Variants in CORIN observed in about 807,000 individuals in gnomAD.
CORIN encodes the protein atrial natriuretic peptide-converting enzyme.
In CORIN, 117 loss-of-function variants were observed where a neutral mutation model predicts 125.3. That is an observed-to-expected ratio of 0.93 (90% CI 0.80 to 1.09). The LOEUF (loss-of-function observed/expected upper bound fraction) is 1.09, where lower values mean the gene tolerates loss of function less well. Among genes scored for constraint, CORIN ranks in the 50% least tolerant of loss-of-function variants. The pLI, the probability that CORIN is intolerant of heterozygous loss-of-function variation, is 0.00. For synonymous variants in CORIN, 450 were observed against 466.4 expected (o/e 0.96, Z 0.45); for missense variants, 1,253 against 1,306.7 (o/e 0.96, Z 0.63).
In CORIN at chr4:47,595,913, G is replaced by C; in HGVS notation, c.2947-10C>G. 1 of 1,603,558 alleles carries C rather than the reference G, an allele frequency of 6.2e-7. No homozygotes were observed. Among genetic ancestry groups the C allele is most frequent in the Non-Finnish European group, 8.5e-7 (1 of 1,176,120 alleles). On this transcript the variant is annotated splice_polypyrimidine_tract_variant and intron_variant, in intron 21 of 21. Transcript: ENST00000273857. ...GCCCACCGCTGTCACCCTGCAATAA[G>C]TAACGATGGGAGTTAGGAACTGGCA...
At chr4:47,742,932 T>C (rs1247119478) in intron 5 of CORIN, among the ~76,000 whole-genome samples, 1 of 152,120 alleles carries the variant, frequency 6.6e-6, no homozygotes, top group African/African-American at 2.4e-5. Context: ...TAGATATACA[T>C]GTAATCATTC....
intron 19 of CORIN, among the ~76,000 whole-genome samples, chr4:47,611,558 C>A (rs557159248): frequency 6.6e-6 from 1 of 152,338 alleles, no homozygotes; most frequent in East Asian, 1.9e-4. Flanking sequence ...ATTTGATTTC[C>A]TCTCTTCCTA....
chr4:47,815,205 G>A (rs1429568991), intron 1 of CORIN, among the ~76,000 whole-genome samples: 1 of 151,998 alleles, frequency 6.6e-6, no homozygotes, highest in Non-Finnish European at 1.5e-5. Flanking sequence ...GCATAAAAAG[G>A]TCTTTCTCCA....
At chr4:47,663,251 A>C (rs914733572) in intron 11 of CORIN, among the ~76,000 whole-genome samples, 2 of 152,188 alleles carry the variant, frequency 1.3e-5, no homozygotes, top group African/African-American at 4.8e-5. Flanking sequence ...GGTTATTTTG[A>C]GTACGCTACA....
chr4:47,702,643 A>G (rs1726356069), intron 5 of CORIN, among the ~76,000 whole-genome samples: 1 of 152,194 alleles, frequency 6.6e-6, no homozygotes. Context: ...CTTTTAGTCC[A>G]TTTTATGTAT....
At chr4:47,685,475 A>C (rs530664557) in intron 6 of CORIN, among the ~76,000 whole-genome samples, 61 of 152,336 alleles carry the variant, frequency 4.0e-4, no homozygotes, top group African/African-American at 1.5e-3. Context: ...ATAGAAACAG[A>C]AATCTGAGAA....
At chr4:47,729,469 C>T (rs1354128668) in intron 5 of CORIN, among the ~76,000 whole-genome samples, 2 of 152,082 alleles carry the variant, frequency 1.3e-5, no homozygotes, top group South Asian at 2.1e-4. Context: ...GGGGCAAGAA[C>T]GTCGCAGCAG....
intron 16 of CORIN, among the ~76,000 whole-genome samples, chr4:47,637,059 T>G (rs1434668773): frequency 2.0e-5 from 3 of 152,160 alleles, no homozygotes; most frequent in Non-Finnish European, 2.9e-5. Flanking sequence ...CAGATGGAAA[T>G]GAGGAACTTG....
chr4:47,825,296 G>C (rs1238648938), intron 1 of CORIN, among the ~76,000 whole-genome samples: 1 of 152,174 alleles, frequency 6.6e-6, no homozygotes, highest in South Asian at 2.1e-4. Flanking sequence ...CCCCATAGAA[G>C]TGAGGCCTGG....
At chr4:47,611,401 T>C (rs2109527694) in intron 19 of CORIN, among the ~76,000 whole-genome samples, 1 of 152,332 alleles carries the variant, frequency 6.6e-6, no homozygotes, top group East Asian at 1.9e-4. Context: ...TGCTTGCCTG[T>C]TGTGGTGTAT....
intron 3 of CORIN, among the ~76,000 whole-genome samples, chr4:47,785,306 G>T (rs1361372073): frequency 6.6e-6 from 1 of 152,100 alleles, no homozygotes; most frequent in Non-Finnish European, 1.5e-5. Context: ...CACTCCCACC[G>T]AGTATTCTGT....
chr4:47,819,678 C>G (rs1403065124), intron 1 of CORIN, among the ~76,000 whole-genome samples: 1 of 152,154 alleles, frequency 6.6e-6, no homozygotes, highest in Non-Finnish European at 1.5e-5. Context: ...AAGGGTTTCA[C>G]AAGATCCTGA....
intron 9 of CORIN, among the ~76,000 whole-genome samples, chr4:47,676,953 A>C (rs1160032774): frequency 6.6e-6 from 1 of 152,228 alleles, no homozygotes; most frequent in Non-Finnish European, 1.5e-5. Context: ...TTATGTAATA[A>C]GTCTGTGACT....
intron 2 of CORIN, among the ~76,000 whole-genome samples, chr4:47,802,011 C>A (rs1404230095): frequency 6.6e-6 from 1 of 152,144 alleles, no homozygotes; most frequent in Non-Finnish European, 1.5e-5. Flanking sequence ...AAAGGGAGAG[C>A]ACAGCAACTG....
chr4:47,833,521 C>CAAAAAAAAAAAAA (rs75657429), intron 1 of CORIN, among the ~76,000 whole-genome samples: 1 of 115,024 alleles, frequency 8.7e-6, no homozygotes, highest in Non-Finnish European at 1.7e-5. Context: ...AAAGCATAGG[C>CAAAAAAAAAAAAA]AAAAAAAAAA....
intron 2 of CORIN, chr4:47,790,256 T>TA: frequency 1.0e-6 from 1 of 965,272 alleles, no homozygotes; most frequent in African/African-American, 1.8e-5. Flanking sequence ...GACAGCCAAG[T>TA]AAAAATGGCT....
chr4:47,764,382 C>T (rs1204283164), intron 3 of CORIN, among the ~76,000 whole-genome samples: 2 of 152,140 alleles, frequency 1.3e-5, no homozygotes, highest in Admixed American at 1.3e-4. Context: ...CAGAAATTTG[C>T]CTGGTTGACC....
intron 10 of CORIN, 52 bp from the exon 11 acceptor site, chr4:47,665,315 A>G (rs1371537377): frequency 8.8e-6 from 12 of 1,371,258 alleles, no homozygotes; most frequent in African/African-American, 1.5e-5. Context: ...TATAAAAACA[A>G]CTTCTTTAAG....
chr4:47,696,217 A>G (rs964808327), intron 5 of CORIN, among the ~76,000 whole-genome samples: 1 of 152,172 alleles, frequency 6.6e-6, no homozygotes, highest in African/African-American at 2.4e-5. Flanking sequence ...CTGTCTTATA[A>G]CAATCATTTT....
Sources: gnomAD v4.1 joint callset for allele counts (sites outside exome capture counted in the v4.1 genomes callset) on GRCh38, gnomAD v4.1.1 for gene constraint, MANE v1.5 for transcripts, NCBI Gene and HGNC (gene_info 2026-07-23, HGNC 2026-07-21) for gene names.